TG: variants seen among roughly 807,000 people sequenced by gnomAD.
TG encodes thyroglobulin, also known as thyroid hormones.
TG carries 270 observed loss-of-function variants against 324.7 expected under a neutral mutation model. The ratio of observed to expected loss-of-function variants is 0.83; its 90% confidence interval spans 0.75 to 0.92. The LOEUF is 0.92. Among genes scored for constraint, TG ranks in the 40% least tolerant of loss-of-function variants. The probability of loss-of-function intolerance (pLI) is 0.00; values close to 1 mark genes in which losing one functional copy is unlikely to be tolerated. For synonymous variants in TG, 1,401 were observed against 1,327.0 expected, an observed-to-expected ratio of 1.06 and a Z score of -1.21; for missense variants, 3,591 against 3,456.4, an observed-to-expected ratio of 1.04 and a Z score of -0.98.
At chr8:132,894,052 G>C in intron 11 of TG, 123 bp downstream of exon 11, 1 of 1,513,694 alleles carries the variant, frequency 6.6e-7, no homozygotes, top group Non-Finnish European at 9.0e-7. Context: ...ATGGGTTCTT[G>C]GGAAGGAAAA....
chr8:133,008,922 T>A (rs1192237957), intron 35 of TG, among the ~76,000 whole-genome samples: 1 of 151,930 alleles, frequency 6.6e-6, no homozygotes, highest in Non-Finnish European at 1.5e-5. Context: ...CCACAAAGAG[T>A]TTGTTCTCAG....
chr8:133,101,083 G>C (rs1462790935), intron 43 of TG, among the ~76,000 whole-genome samples: 5 of 152,110 alleles, frequency 3.3e-5, no homozygotes, highest in Non-Finnish European at 7.3e-5. Context: ...GGGCAGGAGT[G>C]GGGAGGGTGG....
chr8:132,917,540 T>A (rs1004872389), intron 20 of TG, among the ~76,000 whole-genome samples: 1 of 151,706 alleles, frequency 6.6e-6, no homozygotes, highest in East Asian at 1.9e-4. Flanking sequence ...ATGGGGTGTG[T>A]GGGAAACGTG....
chr8:133,080,629 C>T (rs1845602929), intron 41 of TG, among the ~76,000 whole-genome samples: 1 of 152,200 alleles, frequency 6.6e-6, no homozygotes, highest in South Asian at 2.1e-4. Flanking sequence ...TCACCCCTTT[C>T]CTGGCATTCA....
rs536801147 is a variant in TG at position 132,948,916 on chromosome 8, C to T, written c.5374C>T (p.Arg1792Cys). 3.3e-5 allele frequency: 53 copies of T among 1,613,860 alleles called. No homozygotes were observed. The South Asian group carries it at 4.9e-4, about 15-fold the overall frequency. Reference protein sequence around the residue: ...YDQESHQVILRLGDQEFIKSL... With the variant: ...YDQESHQVILCLGDQEFIKSL... ...CCAGGAGAGCCACCAGGTGATATTG[C>T]GTCTTGGAGACCAGGAGTTCATCAA... The change falls in exon 27 of 48, where the codon CGT (arginine) becomes TGT (cysteine). Residue 1792 changes from arginine to cysteine, a missense_variant. Arg to Cys is a radical substitution (Grantham distance 180). Coordinates refer to ENST00000220616, the MANE Select transcript of TG (RefSeq NM_003235.5).
intron 35 of TG, among the ~76,000 whole-genome samples, chr8:132,986,735 T>C (rs574140523): frequency 3.3e-5 from 5 of 152,312 alleles, no homozygotes; most frequent in East Asian, 1.9e-4. Context: ...TGGGGTAAGA[T>C]TGACCAAAGC....
chr8:133,048,315 G>A (rs1441922434), intron 41 of TG, among the ~76,000 whole-genome samples: 1 of 152,082 alleles, frequency 6.6e-6, no homozygotes, highest in Non-Finnish European at 1.5e-5. Context: ...CCACCTTCCA[G>A]GTTCAAGTGA....
chr8:132,910,171 G>A (rs1819306414), intron 18 of TG, among the ~76,000 whole-genome samples: 1 of 152,170 alleles, frequency 6.6e-6, no homozygotes, highest in South Asian at 2.1e-4. Flanking sequence ...CACACAGTAA[G>A]GTCTGGGTGC....
intron 45 of TG, among the ~76,000 whole-genome samples, chr8:133,127,947 T>A (rs988996658): frequency 6.6e-6 from 1 of 151,986 alleles, no homozygotes; most frequent in Non-Finnish European, 1.5e-5. Context: ...TACTCATCTG[T>A]CCAAGCACAA....
chr8:132,974,126 T>G (rs552767184), intron 34 of TG, among the ~76,000 whole-genome samples: 24 of 151,778 alleles, frequency 1.6e-4, no homozygotes, highest in African/African-American at 5.6e-4. Context: ...CCCAAGTAGC[T>G]GGGATTACAG....
At position 132,887,430 on chromosome 8, in the gene TG, T is replaced by C; in HGVS notation, c.2058T>C (p.Ala686=). ...QPAGSTLFVP[A]CTSEGHFLPV... is the part of the protein sequence containing the mutation. ...CTGGCTCCACCTTGTTTGTCCCTGC[T>C]TGTACTAGTGAGGGACATTTCCTGC... Residue 686 remains alanine, a synonymous_variant, in exon 9 of 48, where the codon GCT becomes GCC. Coordinates refer to ENST00000220616, the MANE Select transcript of TG (RefSeq NM_003235.5). 1.2e-6 allele frequency: 2 copies of C among 1,614,174 alleles called. No homozygotes were observed. The highest frequency in any genetic ancestry group is 4.5e-5 in the East Asian group (2 of 44,870).
At chr8:132,868,064 C>A in intron 1 of TG, 51 bp from the exon 2 acceptor site, 1 of 1,532,184 alleles carries the variant, frequency 6.5e-7, no homozygotes, top group Non-Finnish European at 9.0e-7. Context: ...CGTCTCTGTC[C>A]TGGCAGCCCA....
intron 24 of TG, among the ~76,000 whole-genome samples, chr8:132,934,970 G>C (rs965320901): frequency 3.3e-5 from 5 of 151,994 alleles, no homozygotes; most frequent in Non-Finnish European, 7.4e-5. Flanking sequence ...TTCATAGCCA[G>C]CTCCAGCCTC....
At chr8:132,869,646 A>C in intron 2 of TG, 83 bp from the exon 3 acceptor site, 1 of 1,207,064 alleles carries the variant, frequency 8.3e-7, no homozygotes, top group Admixed American at 1.7e-5. Context: ...ATGGAAATGA[A>C]GAAGAAAAGT....
chr8:133,123,823 A>G (rs1398935672), intron 45 of TG, among the ~76,000 whole-genome samples: 4 of 152,264 alleles, frequency 2.6e-5, no homozygotes, highest in East Asian at 1.9e-4. Context: ...GCCACTTTCT[A>G]TGTGCCTCTT....
intron 20 of TG, among the ~76,000 whole-genome samples, chr8:132,918,379 A>G (rs1420578986): frequency 1.3e-5 from 2 of 152,158 alleles, no homozygotes; most frequent in African/African-American, 2.4e-5. Flanking sequence ...TTGAAATGCT[A>G]GAGATAATCA....
chr8:133,032,507 A>G (rs755532844), intron 41 of TG, among the ~76,000 whole-genome samples: 1 of 152,230 alleles, frequency 6.6e-6, no homozygotes, highest in Non-Finnish European at 1.5e-5. Flanking sequence ...ATCTGTTTTA[A>G]CAAATGGCAG....
chr8:133,050,026 T>G (rs117903020), intron 41 of TG: 41,154 of 1,342,762 alleles, frequency 0.031, 803 homozygotes, highest in South Asian at 0.076. Context: ...CAGAGATAGG[T>G]AAATAGCAAA....
chr8:133,114,403 G>T (rs7836183), intron 44 of TG, among the ~76,000 whole-genome samples: 37,159 of 152,146 alleles, frequency 0.24, 4,937 homozygotes, highest in African/African-American at 0.34. Context: ...GGCCCCAGGG[G>T]TTGTCGGGAC....
Sources: allele counts gnomAD v4.1 joint callset (sites outside exome capture counted in the v4.1 genomes callset), GRCh38; gene constraint gnomAD v4.1.1; transcripts MANE v1.5; gene names NCBI Gene and HGNC (gene_info 2026-07-23, HGNC 2026-07-21).